Variants in CCSER1 observed in about 807,000 individuals in gnomAD.
CCSER1 encodes serine-rich coiled-coil domain-containing protein 1.
A neutral mutation model predicts 82.0 loss-of-function variants in CCSER1; 41 were observed. The observed-to-expected ratio is 0.50, with a 90% CI of 0.39 to 0.65. CCSER1 has a LOEUF of 0.65. Ranked by LOEUF, CCSER1 falls within the 30% of genes least tolerant of loss-of-function variation. The pLI, the probability that CCSER1 is intolerant of heterozygous loss-of-function variation, is 0.00. For missense variants in CCSER1, 1,119 were observed against 1,064.2 expected (o/e 1.05, Z -0.72); for synonymous variants, 414 against 383.9 (o/e 1.08, Z -0.92).
Position 91,598,625 on chromosome 4 carries a change from A to G in CCSER1, c.2271A>G (p.Lys757=). 1.3e-6 allele frequency: 2 copies of G among 1,551,454 alleles called. No homozygotes were observed. The highest frequency in any genetic ancestry group is 1.7e-6 in the Non-Finnish European group (2 of 1,146,858). Residue 757 remains lysine (K), a synonymous_variant, in exon 11 of 11, where the codon AAA becomes AAG. Transcript: ENST00000509176. The stretch of plus-strand genomic sequence containing the variant: ...AAAATCTCAGCACAAGGGACAGAAA[A>G]GCAATACATACTCCCACCGAGGACC... ...VSQNLSTRDR[K]AIHTPTEDRF...
At chr4:91,546,295 C>T (rs1479048013) in intron 10 of CCSER1, among the ~76,000 whole-genome samples, 1 of 151,996 alleles carries the variant, frequency 6.6e-6, no homozygotes, top group African/African-American at 2.4e-5. Context: ...AGTTAGGAAC[C>T]ATTCCTTCTG....
At chr4:91,323,959 G>T (rs908020346) in intron 10 of CCSER1, among the ~76,000 whole-genome samples, 3 of 152,094 alleles carry the variant, frequency 2.0e-5, no homozygotes, top group Non-Finnish European at 4.4e-5. Flanking sequence ...TGTATTCTCC[G>T]TCATTATGTA....
intron 1 of CCSER1, among the ~76,000 whole-genome samples, chr4:90,197,350 C>G (rs1270118530): frequency 6.6e-6 from 1 of 152,014 alleles, no homozygotes; most frequent in African/African-American, 2.4e-5. Flanking sequence ...TTAGTACAAC[C>G]ACTATGGAGA....
chr4:90,153,926 G>A (rs991195829), intron 1 of CCSER1, among the ~76,000 whole-genome samples: 3 of 152,090 alleles, frequency 2.0e-5, no homozygotes, highest in Non-Finnish European at 4.4e-5. Context: ...CATTGCTTTT[G>A]GTGTTTTAGA....
intron 10 of CCSER1, among the ~76,000 whole-genome samples, chr4:91,301,621 TG>T (rs1283924341): frequency 6.6e-6 from 1 of 151,736 alleles, no homozygotes; most frequent in Non-Finnish European, 1.5e-5. Context: ...GTTTAACAAC[TG>T]ATATGTTTTT....
At chr4:90,786,500 T>G (rs1754538871) in intron 7 of CCSER1, among the ~76,000 whole-genome samples, 1 of 110,242 alleles carries the variant, frequency 9.1e-6, no homozygotes, top group Non-Finnish European at 1.9e-5. Context: ...TTACTCAAAG[T>G]TTAGAAATTA....
intron 7 of CCSER1, among the ~76,000 whole-genome samples, chr4:90,764,678 G>C (rs1750929721): frequency 6.6e-6 from 1 of 151,892 alleles, no homozygotes; most frequent in Non-Finnish European, 1.5e-5. Flanking sequence ...TGCAACTCAG[G>C]CAATTATAAG....
chr4:90,246,378 C>T (rs530997213), intron 1 of CCSER1, among the ~76,000 whole-genome samples: 185 of 152,130 alleles, frequency 1.2e-3, no homozygotes, highest in African/African-American at 4.3e-3. Context: ...ATTTTTAGTG[C>T]CTTGCTGACT....
rs538084161 is a variant in CCSER1 at position 91,083,182 on chromosome 4, C to T, written c.2173-2768C>T. 2.6e-5 allele frequency among the ~76,000 whole-genome samples: 4 copies of T among 152,240 alleles called. No individual in the cohort carries two copies. In the South Asian group the frequency reaches 6.2e-4, roughly 24 times the overall value. ...AACCCAAATGTCCATCAATGATAGACTGGATTAAGAAAATGTGGCACATAT... is the reference window on the plus strand; with the variant it reads ...AACCCAAATGTCCATCAATGATAGATTGGATTAAGAAAATGTGGCACATAT... On this transcript the variant is annotated intron_variant, in intron 9 of 10. Transcript: ENST00000509176.
intron 1 of CCSER1, among the ~76,000 whole-genome samples, chr4:90,134,054 A>T (rs941108620): frequency 2.6e-5 from 4 of 152,176 alleles, no homozygotes; most frequent in Admixed American, 2.0e-4. Flanking sequence ...CAACAATAGC[A>T]ATGACTGTAA....
At chr4:91,068,885 T>A (rs944078855) in intron 9 of CCSER1, among the ~76,000 whole-genome samples, 2 of 152,196 alleles carry the variant, frequency 1.3e-5, no homozygotes, top group Admixed American at 6.5e-5. Flanking sequence ...GAGACATTTT[T>A]AAAATTTTGA....
At chr4:90,951,618 A>C (rs1037458243) in intron 9 of CCSER1, among the ~76,000 whole-genome samples, 7 of 152,124 alleles carry the variant, frequency 4.6e-5, no homozygotes, top group Non-Finnish European at 7.4e-5. Context: ...TACGAAGTAC[A>C]TTTGTAAATA....
intron 10 of CCSER1, among the ~76,000 whole-genome samples, chr4:91,414,915 GAC>G (rs1376080841): frequency 2.6e-5 from 4 of 151,998 alleles, no homozygotes; most frequent in Non-Finnish European, 5.9e-5. Context: ...ACCCAAAATT[GAC>G]ACACCTATGT....
chr4:91,546,404 T>G (rs2110210514), intron 10 of CCSER1, among the ~76,000 whole-genome samples: 1 of 152,250 alleles, frequency 6.6e-6, no homozygotes, highest in East Asian at 1.9e-4. Flanking sequence ...TTTGGAATTT[T>G]ATTTATTATT....
intron 10 of CCSER1, among the ~76,000 whole-genome samples, chr4:91,488,779 T>G (rs920962038): frequency 6.6e-6 from 1 of 152,138 alleles, no homozygotes; most frequent in Non-Finnish European, 1.5e-5. Context: ...AATTACCCAT[T>G]CTCAGGTAGT....
intron 10 of CCSER1, among the ~76,000 whole-genome samples, chr4:91,153,300 A>C (rs1013824040): frequency 6.6e-6 from 1 of 151,842 alleles, no homozygotes; most frequent in African/African-American, 2.4e-5. Context: ...ACTTGATCGA[A>C]TCGGCTCTTG....
At chr4:91,363,751 C>G (rs1195223119) in intron 10 of CCSER1, among the ~76,000 whole-genome samples, 1 of 151,630 alleles carries the variant, frequency 6.6e-6, no homozygotes, top group African/African-American at 2.4e-5. Context: ...ATATGTGTAC[C>G]TATTCTTTGA....
intron 8 of CCSER1, among the ~76,000 whole-genome samples, chr4:90,862,283 A>G (rs1422516582): frequency 6.6e-6 from 1 of 151,898 alleles, no homozygotes; most frequent in Non-Finnish European, 1.5e-5. Context: ...CTGGGCTGGT[A>G]CTGTGTCCCC....
intron 10 of CCSER1, among the ~76,000 whole-genome samples, chr4:91,197,711 A>G (rs919948507): frequency 1.3e-5 from 2 of 152,148 alleles, no homozygotes; most frequent in Non-Finnish European, 2.9e-5. Flanking sequence ...TATATTACAT[A>G]TTCTATTTCT....
Sources: gnomAD v4.1 joint callset for allele counts (sites outside exome capture counted in the v4.1 genomes callset) on GRCh38, gnomAD v4.1.1 for gene constraint, MANE v1.5 for transcripts, NCBI Gene and HGNC (gene_info 2026-07-23, HGNC 2026-07-21) for gene names.